CADPS: variants seen among roughly 807,000 people sequenced by gnomAD.
CADPS encodes calcium-dependent secretion activator 1.
A neutral mutation model predicts 167.3 loss-of-function variants in CADPS; 57 were observed. That is an observed-to-expected ratio of 0.34 (90% CI 0.28 to 0.42). The LOEUF (loss-of-function observed/expected upper bound fraction) is 0.42, where lower values mean the gene tolerates loss of function less well. Among genes scored for constraint, CADPS ranks in the 20% least tolerant of loss-of-function variants. The pLI, the probability that CADPS is intolerant of heterozygous loss-of-function variation, is 1.00. For missense variants in CADPS, 1,414 were observed against 1,738.1 expected (o/e 0.81, Z 3.32); for synonymous variants, 676 against 635.3 (o/e 1.06, Z -0.96).
rs552945339 is a variant in CADPS, at chr3:62,711,579, G to T, written c.888+41862C>A. On this transcript the variant is annotated intron_variant, in intron 3 of 29. Coordinates refer to ENST00000383710, the MANE Select transcript of CADPS (RefSeq NM_003716.4). ...ATTATGAGCCTTAGCTAGTGAGAGT[G>T]ATTAGCTTGGCCAGCTTGGTGATTT... Among the ~76,000 whole-genome samples, 35 of 152,332 alleles carry T rather than the reference G, an allele frequency of 2.3e-4. No individual in the cohort carries two copies. In the South Asian group the frequency reaches 7.0e-3, roughly 31 times the overall value.
rs1296995661 is a variant in CADPS at position 62,534,984 on chromosome 3, G to C, written c.2103+1461C>G. Among the ~76,000 whole-genome samples the C allele has an allele frequency of 3.3e-5, 5 of 151,958 alleles. 1 individual carries two copies. Among genetic ancestry groups the C allele is most frequent in the Admixed American group, 1.3e-4 (2 of 15,248 alleles). On this transcript the variant is annotated intron_variant, in intron 12 of 29. Coordinates refer to ENST00000383710, the MANE Select transcript of CADPS (RefSeq NM_003716.4). ...GAGCATTTATAAACTCTCCTTCACAGTGAATCTCAAAACAAAGAAAATTGT... is the reference window on the plus strand; with the variant it reads ...GAGCATTTATAAACTCTCCTTCACACTGAATCTCAAAACAAAGAAAATTGT...
chr3:62,683,539 C>A (rs2077481093), intron 3 of CADPS, among the ~76,000 whole-genome samples: 1 of 152,062 alleles, frequency 6.6e-6, no homozygotes, highest in African/African-American at 2.4e-5. Flanking sequence ...CACCCAGCAA[C>A]CCTTCTTGTT....
intron 6 of CADPS, among the ~76,000 whole-genome samples, chr3:62,599,885 A>T (rs1199183086): frequency 7.8e-4 from 62 of 79,756 alleles, no homozygotes; most frequent in Non-Finnish European, 1.3e-3. Flanking sequence ...TATAATATAT[A>T]TATATTATAT....
chr3:62,702,607 T>C lies in CADPS; in HGVS notation c.889-40213A>G, dbSNP rs567941684. On this transcript the variant is annotated intron_variant, in intron 3 of 29. Transcript: ENST00000383710. Reference sequence around the variant, plus strand: ...TGACTGCATGGAAACAAAGGAAATGTTGGAGTTACTGGGATGGTTTTAAGT... The same window carrying C: ...TGACTGCATGGAAACAAAGGAAATGCTGGAGTTACTGGGATGGTTTTAAGT... Among the ~76,000 whole-genome samples, 7 of 152,152 alleles carry C rather than the reference T, an allele frequency of 4.6e-5. 1 individual carries two copies. The South Asian group carries it at 1.2e-3, about 27-fold the overall frequency.
chr3:62,402,327 A>G (rs930736256), intron 29 of CADPS, among the ~76,000 whole-genome samples: 1 of 152,084 alleles, frequency 6.6e-6, no homozygotes, highest in South Asian at 2.1e-4. Flanking sequence ...TATTGTTAAA[A>G]TATTTTAAAG....
chr3:62,755,980 A>G (rs2083794432), intron 2 of CADPS, among the ~76,000 whole-genome samples: 2 of 152,020 alleles, frequency 1.3e-5, no homozygotes, highest in Admixed American at 6.6e-5. Flanking sequence ...ATCTCAGGCC[A>G]GGTCTGCCTC....
intron 3 of CADPS, among the ~76,000 whole-genome samples, chr3:62,748,343 T>A (rs1415041976): frequency 2.2e-4 from 2 of 9,088 alleles, no homozygotes; most frequent in East Asian, 0.02. Context: ...AGACTCCGTC[T>A]CAAAAAAAAA....
At chr3:62,738,390 T>C (rs1176636880) in intron 3 of CADPS, among the ~76,000 whole-genome samples, 1 of 151,882 alleles carries the variant, frequency 6.6e-6, no homozygotes, top group Non-Finnish European at 1.5e-5. Context: ...GTTTCTACTT[T>C]TGCTAACAAT....
At chr3:62,768,111 T>C (rs2087424050) in intron 1 of CADPS, among the ~76,000 whole-genome samples, 1 of 152,196 alleles carries the variant, frequency 6.6e-6, no homozygotes, top group Non-Finnish European at 1.5e-5. Flanking sequence ...GCAGAGCACA[T>C]ATTGATATGT....
chr3:62,564,365 T>C (rs1446052843), intron 9 of CADPS, among the ~76,000 whole-genome samples: 1 of 152,186 alleles, frequency 6.6e-6, no homozygotes, highest in Non-Finnish European at 1.5e-5. Context: ...TTATCCACTC[T>C]GAGCCTTAGT....
intron 2 of CADPS, among the ~76,000 whole-genome samples, chr3:62,760,864 G>C (rs956583098): frequency 6.6e-6 from 1 of 152,178 alleles, no homozygotes; most frequent in Admixed American, 6.5e-5. Context: ...CCTGCCAACT[G>C]TTCTTCCTCT....
chr3:62,428,532 C>T (rs532210428), intron 28 of CADPS, among the ~76,000 whole-genome samples: 61 of 152,120 alleles, frequency 4.0e-4, no homozygotes, highest in African/African-American at 1.3e-3. Context: ...TGGAGTCCTC[C>T]AAACATAATC....
chr3:62,603,425 G>T (rs1436826151), intron 6 of CADPS, among the ~76,000 whole-genome samples: 2 of 152,206 alleles, frequency 1.3e-5, no homozygotes, highest in Non-Finnish European at 2.9e-5. Context: ...GTTTAGCTCA[G>T]TGCTCAGTAC....
chr3:62,518,008 T>C, intron 14 of CADPS, 141 bp downstream of exon 14: 5 of 664,922 alleles, frequency 7.5e-6, no homozygotes, highest in South Asian at 6.9e-5. Context: ...CCATATCTGA[T>C]TGATTTGCTT....
rs780519940 is a variant in CADPS, at chr3:62,610,252, T to TTTTC, written c.1326-17508_1326-17505dup. Among the ~76,000 whole-genome samples, 160 of 151,792 alleles carry TTTTC rather than the reference T, an allele frequency of 1.1e-3. 2 individuals are homozygous for TTTTC. The highest frequency in any genetic ancestry group is 3.9e-4 in the East Asian group (2 of 5,170). On this transcript the variant is annotated intron_variant, in intron 6 of 29. Transcript: ENST00000383710. Reference sequence around the variant, plus strand: ...CTTTTTCTTCCTTTTCTTTTCTTTCTTTTCTTTCTTTCTTCCTTTTTGGAG... The same window carrying TTTTC: ...CTTTTTCTTCCTTTTCTTTTCTTTCTTTTCTTTCTTTCTTTCTTCCTTTTTGGAG...
At chr3:62,839,528 G>T (rs920847728) in intron 1 of CADPS, among the ~76,000 whole-genome samples, 1 of 152,178 alleles carries the variant, frequency 6.6e-6, no homozygotes, top group African/African-American at 2.4e-5. Flanking sequence ...CAGAATATGG[G>T]ATCAGGAGTG....
chr3:62,608,384 G>T (rs1011932784), intron 6 of CADPS, among the ~76,000 whole-genome samples: 1 of 151,346 alleles, frequency 6.6e-6, no homozygotes, highest in African/African-American at 2.4e-5. Flanking sequence ...CCGGGCTCAC[G>T]TGATCCTCTC....
chr3:62,624,357 C>T (rs2063660999), intron 6 of CADPS, among the ~76,000 whole-genome samples: 1 of 152,088 alleles, frequency 6.6e-6, no homozygotes, highest in South Asian at 2.1e-4. Context: ...GCAAACCCTT[C>T]CCAGTTCCAG....
intron 7 of CADPS, 40 bp from the exon 8 acceptor site, chr3:62,585,364 A>G: frequency 6.3e-7 from 1 of 1,579,932 alleles, no homozygotes; most frequent in Non-Finnish European, 8.6e-7. Context: ...AAAGAGAAGC[A>G]CCATTATGTT....
Sources: gnomAD v4.1 joint callset for allele counts (sites outside exome capture counted in the v4.1 genomes callset) on GRCh38, gnomAD v4.1.1 for gene constraint, MANE v1.5 for transcripts, NCBI Gene and HGNC (gene_info 2026-07-23, HGNC 2026-07-21) for gene names.